The following TACC1 variants were observed in gnomAD, a reference collection of about 807,000 sequenced individuals.
TACC1 encodes the protein transforming acidic coiled-coil containing protein 1, also known as transforming acidic coiled-coil-containing protein 1.
TACC1 carries 48 observed loss-of-function variants against 84.4 expected under a neutral mutation model. That is an observed-to-expected ratio of 0.57 (90% CI 0.45 to 0.72). The LOEUF (loss-of-function observed/expected upper bound fraction) is 0.72, where lower values mean the gene tolerates loss of function less well. TACC1 is among the 30% of genes least tolerant of loss of function. The probability of loss-of-function intolerance (pLI) is 0.00; values close to 1 mark genes in which losing one functional copy is unlikely to be tolerated. For synonymous variants in TACC1, 372 were observed against 376.3 expected (o/e 0.99, Z 0.13); for missense variants, 920 against 973.0 (o/e 0.95, Z 0.72).
intron 1 of TACC1, among the ~76,000 whole-genome samples, chr8:38,736,831 C>G (rs1806059659): frequency 6.6e-6 from 1 of 152,136 alleles, no homozygotes; most frequent in Non-Finnish European, 1.5e-5. Context: ...GGATTCTGTT[C>G]AGCTCCATAC....
At chr8:38,742,293 C>A in intron 1 of TACC1, 2 of 731,064 alleles carry the variant, frequency 2.7e-6, no homozygotes, top group South Asian at 3.9e-5. Context: ...GAAACTTGTG[C>A]TGGAAACTTA....
intron 2 of TACC1, among the ~76,000 whole-genome samples, chr8:38,814,788 T>TA (rs1300904384): frequency 5.9e-5 from 9 of 152,084 alleles, no homozygotes; most frequent in African/African-American, 1.9e-4. Flanking sequence ...AAGAACCAAA[T>TA]AAAAAATCCA....
chr8:38,729,294 G>A (rs1245294618), intron 1 of TACC1, among the ~76,000 whole-genome samples: 1 of 152,322 alleles, frequency 6.6e-6, no homozygotes, highest in East Asian at 1.9e-4. Flanking sequence ...CAGGGCCCTT[G>A]AGCATCAGTG....
At chr8:38,753,807 G>A (rs1449848235) in intron 3 of TACC1, among the ~76,000 whole-genome samples, 2 of 152,096 alleles carry the variant, frequency 1.3e-5, no homozygotes, top group African/African-American at 4.8e-5. Flanking sequence ...GGTCCCATAT[G>A]TTAAATCTTT....
At chr8:38,836,656 A>C (rs955152415) in intron 7 of TACC1, among the ~76,000 whole-genome samples, 6 of 152,250 alleles carry the variant, frequency 3.9e-5, no homozygotes, top group Admixed American at 1.3e-4. Context: ...TTTTTGCAGT[A>C]ATACACAGTT....
chr8:38,841,281 AC>A (rs1831229386), intron 9 of TACC1, among the ~76,000 whole-genome samples: 2 of 152,098 alleles, frequency 1.3e-5, no homozygotes, highest in African/African-American at 2.4e-5. Flanking sequence ...ATTTTAAGGA[AC>A]CTTACTGCCT....
chr8:38,796,905 A>G (rs1284250422), intron 2 of TACC1, among the ~76,000 whole-genome samples: 1 of 152,236 alleles, frequency 6.6e-6, no homozygotes, highest in Non-Finnish European at 1.5e-5. Flanking sequence ...CATCTCACAT[A>G]GTCTTTGTAG....
chr8:38,757,112 C>A, intron 3 of TACC1: 1 of 451,040 alleles, frequency 2.2e-6, no homozygotes, highest in Non-Finnish European at 3.3e-6. Flanking sequence ...CTCCAGGCGG[C>A]AGCACCCGCG....
chr8:38,848,118 A>C lies in TACC1; in HGVS notation c.*95A>C, dbSNP rs745643685. On this transcript the variant is annotated 3_prime_UTR_variant, in exon 13 of 13. Transcript: ENST00000317827. ...TATCCAGGAATAATTGCCCCTTTGC[A>C]GAGAAAAAAAAAAACTTAAAAAAAG... 2.4e-6 allele frequency: 3 copies of C among 1,243,962 alleles called. No homozygotes were observed. Among genetic ancestry groups the C allele is most frequent in the Non-Finnish European group, 3.4e-6 (3 of 886,576 alleles). 77.1% of individuals were successfully genotyped at this position (1,243,962 alleles called of 1,614,324 possible).
chr8:38,784,955 G>T (rs954098316), upstream of TACC1, among the ~76,000 whole-genome samples: 1 of 152,182 alleles, frequency 6.6e-6, no homozygotes, highest in Non-Finnish European at 1.5e-5. Context: ...TAGTCCCTGT[G>T]TAACTATTAA....
intron 5 of TACC1, 197 bp downstream of exon 5, chr8:38,827,572 T>A: frequency 1.7e-6 from 1 of 604,788 alleles, no homozygotes; most frequent in Non-Finnish European, 2.9e-6. Context: ...AACGTAGAGA[T>A]ACTTGTGACA....
intron 2 of TACC1, among the ~76,000 whole-genome samples, chr8:38,796,783 C>T (rs770429532): frequency 1.1e-4 from 16 of 152,134 alleles, no homozygotes; most frequent in Non-Finnish European, 1.8e-4. Flanking sequence ...GAGGTGTGTG[C>T]GGCTGCCAGG....
At chr8:38,806,411 AG>A (rs1273451365) in intron 2 of TACC1, among the ~76,000 whole-genome samples, 16 of 151,358 alleles carry the variant, frequency 1.1e-4, no homozygotes, top group Non-Finnish European at 1.2e-4. Context: ...GAATTAATTG[AG>A]GGGGGGCTCT....
chr8:38,833,166 T>C (rs978803801), intron 6 of TACC1, among the ~76,000 whole-genome samples: 1 of 152,224 alleles, frequency 6.6e-6, no homozygotes, highest in Non-Finnish European at 1.5e-5. Flanking sequence ...AATTTTGTTG[T>C]TGTTGTTCTG....
Position 38,842,394 on chromosome 8 carries a change from G to A in TACC1, c.2068G>A (p.Asp690Asn). The A allele has an allele frequency of 1.2e-6, 2 of 1,614,182 alleles. No homozygotes were observed. The highest frequency in any genetic ancestry group is 1.3e-5 in the African/African-American group (1 of 75,040). ...DLNSVERSLS[D>N]LFRRYENLKG... The stretch of plus-strand genomic sequence containing the variant: ...TAACTCTGTGGAAAGGTCCCTTTCT[G>A]ATCTCTTCAGGAGATATGAGAACCT... Residue 690 changes from aspartate (D) to asparagine (N), a missense_variant, in exon 10 of 13, where the codon GAT becomes AAT. This residue lies in a region of TACC1 where 158 missense variants were observed against 225.6 expected (regional missense o/e 0.70). Transcript: ENST00000317827.
intron 2 of TACC1, among the ~76,000 whole-genome samples, chr8:38,817,347 T>G (rs953216644): frequency 8.5e-5 from 13 of 152,256 alleles, no homozygotes; most frequent in Admixed American, 6.5e-4. Flanking sequence ...TTCACATACA[T>G]GGACAGAGAT....
intron 3 of TACC1, among the ~76,000 whole-genome samples, chr8:38,775,072 A>G (rs1044855492): frequency 2.0e-5 from 3 of 151,934 alleles, no homozygotes; most frequent in Non-Finnish European, 4.4e-5. Flanking sequence ...GACTATTTGT[A>G]TGTATTTGCT....
chr8:38,737,906 T>C lies in TACC1; in HGVS notation c.-674-4445T>C, dbSNP rs140742534. Among the ~76,000 whole-genome samples the C allele has an allele frequency of 5.9e-3, 892 of 151,698 alleles. 28 individuals carry two copies. The highest frequency in any genetic ancestry group is 0.052 in the Admixed American group (798 of 15,252). ...CCATGCCTGGCTAATTTTGTATTTTTAGTAGAGATGGGGTTTCTCCATGTT... is the reference window on the plus strand; with the variant it reads ...CCATGCCTGGCTAATTTTGTATTTTCAGTAGAGATGGGGTTTCTCCATGTT... On this transcript the variant is annotated intron_variant, in intron 1 of 14. Transcript: ENST00000518415.
At chr8:38,756,992 C>G (rs1417636376) in intron 3 of TACC1, among the ~76,000 whole-genome samples, 1 of 152,196 alleles carries the variant, frequency 6.6e-6, no homozygotes, top group Non-Finnish European at 1.5e-5. Flanking sequence ...CGCCCGCAGG[C>G]CTAGCGCCCT....
Sources: allele counts gnomAD v4.1 joint callset (sites outside exome capture counted in the v4.1 genomes callset), GRCh38; gene constraint gnomAD v4.1.1; regional missense constraint gnomAD v4.1.1; transcripts MANE v1.5; gene names NCBI Gene and HGNC (gene_info 2026-07-23, HGNC 2026-07-21).